The following TNPO1 variants were observed in gnomAD, a reference collection of about 807,000 sequenced individuals.
The protein encoded by TNPO1 is transportin-1.
Under a neutral mutation model 119.5 loss-of-function variants are expected in TNPO1, and 8 were observed. That is an observed-to-expected ratio of 0.07 (90% CI 0.04 to 0.12). The LOEUF (loss-of-function observed/expected upper bound fraction) is 0.12. Among genes scored for constraint, TNPO1 ranks in the 10% least tolerant of loss-of-function variants. The probability of loss-of-function intolerance (pLI) is 1.00; values close to 1 mark genes in which losing one functional copy is unlikely to be tolerated. For synonymous variants in TNPO1, 362 were observed against 363.0 expected (o/e 1.00, Z 0.03); for missense variants, 576 against 1,089.8 (o/e 0.53, Z 6.64).
intron 1 of TNPO1, among the ~76,000 whole-genome samples, chr5:72,844,828 G>T (rs1745059823): frequency 6.6e-6 from 1 of 152,158 alleles, no homozygotes; most frequent in South Asian, 2.1e-4. Context: ...ATCCAACAAG[G>T]AAGAAGCTAT....
intron 1 of TNPO1, among the ~76,000 whole-genome samples, chr5:72,846,426 GGAT>G (rs1283588742): frequency 1.3e-5 from 2 of 152,054 alleles, no homozygotes; most frequent in African/African-American, 4.8e-5. Context: ...GTAGTATGGA[GGAT>G]GATCTTAAAA....
intron 24 of TNPO1, among the ~76,000 whole-genome samples, chr5:72,908,271 G>GA (rs1554056297): frequency 6.6e-6 from 1 of 152,088 alleles, no homozygotes; most frequent in Admixed American, 6.5e-5. Flanking sequence ...AATACTGGGG[G>GA]AAAAAAAGAT....
At chr5:72,874,405 CAG>C (rs1747620623) in intron 7 of TNPO1, among the ~76,000 whole-genome samples, 2 of 152,068 alleles carry the variant, frequency 1.3e-5, no homozygotes, top group African/African-American at 4.8e-5. Flanking sequence ...TATTCATTGA[CAG>C]TAGTAACAAA....
chr5:72,886,844 G>A (rs1349435133), intron 11 of TNPO1, among the ~76,000 whole-genome samples: 4 of 128,316 alleles, frequency 3.1e-5, no homozygotes, highest in African/African-American at 9.1e-5. Context: ...AGCCAAGATC[G>A]CACCACTGCA....
At chr5:72,816,790 GGC>G (rs1486253301) in intron 1 of TNPO1, 38 bp downstream of exon 1, 5 of 1,569,108 alleles carry the variant, frequency 3.2e-6, no homozygotes, top group African/African-American at 1.4e-5. Context: ...GAACTGCAGG[GGC>G]GGGAACGGAG....
At chr5:72,886,535 T>C (rs1472459599) in intron 11 of TNPO1, among the ~76,000 whole-genome samples, 1 of 152,340 alleles carries the variant, frequency 6.6e-6, no homozygotes, top group East Asian at 1.9e-4. Flanking sequence ...GACAGTTATG[T>C]ACAGAATACA....
At chr5:72,887,361 C>T in intron 12 of TNPO1, 139 bp downstream of exon 12, 1 of 955,726 alleles carries the variant, frequency 1.0e-6, no homozygotes, top group Non-Finnish European at 1.5e-6. Flanking sequence ...CTTCTAACCC[C>T]AGCTAGATAT....
At position 72,913,639 on chromosome 5, in the gene TNPO1, G is replaced by C. The variant is rs1579963862; in HGVS notation, c.*4966G>C. 6.6e-6 allele frequency: 1 copy of C among 152,306 alleles called. No homozygotes were observed. The allele number at this position is 152,306 out of a possible 1,614,324, so 9.4% of individuals were successfully genotyped here. On this transcript the variant is annotated 3_prime_UTR_variant, in exon 25 of 25. Transcript: ENST00000337273. ...ATAGAATTTCCTTATACTGTGGCTT[G>C]GTATTATTCAAGATTAGCTATTTCG...
At chr5:72,883,919 T>G (rs1257195018) in intron 11 of TNPO1, among the ~76,000 whole-genome samples, 1 of 141,618 alleles carries the variant, frequency 7.1e-6, no homozygotes, top group African/African-American at 2.6e-5. Context: ...TGAATTTTTG[T>G]TTTTTTTTTT....
intron 1 of TNPO1, among the ~76,000 whole-genome samples, chr5:72,831,901 T>C (rs1213842181): frequency 6.6e-6 from 1 of 152,104 alleles, no homozygotes; most frequent in Non-Finnish European, 1.5e-5. Flanking sequence ...TTTTATCTTT[T>C]TTTCTCACTT....
intron 15 of TNPO1, 86 bp from the exon 16 acceptor site, chr5:72,893,053 A>G: frequency 1.1e-6 from 1 of 944,346 alleles, no homozygotes. Context: ...ATAAATGATC[A>G]GGATCCTGTT....
intron 1 of TNPO1, among the ~76,000 whole-genome samples, chr5:72,819,242 A>T (rs1339649047): frequency 6.6e-6 from 1 of 152,188 alleles, no homozygotes; most frequent in African/African-American, 2.4e-5. Flanking sequence ...CTGGCTTTCT[A>T]ACAACTCACC....
chr5:72,907,506 A>C (rs1336760878), intron 24 of TNPO1, among the ~76,000 whole-genome samples: 1 of 152,202 alleles, frequency 6.6e-6, no homozygotes, highest in African/African-American at 2.4e-5. Context: ...GTGAATTCAC[A>C]TGAACGTTCA....
At chr5:72,837,779 A>G (rs1205147199) in intron 1 of TNPO1, among the ~76,000 whole-genome samples, 1 of 152,148 alleles carries the variant, frequency 6.6e-6, no homozygotes, top group African/African-American at 2.4e-5. Flanking sequence ...TTCTCAGTTA[A>G]TCTTCTCATC....
chr5:72,850,539 T>C (rs930751658), intron 2 of TNPO1, among the ~76,000 whole-genome samples: 1 of 151,592 alleles, frequency 6.6e-6, no homozygotes, highest in Non-Finnish European at 1.5e-5. Context: ...AAAACACAAT[T>C]GGGAAGCATG....
chr5:72,902,452 C>T (rs1410248083), intron 22 of TNPO1, among the ~76,000 whole-genome samples: 2 of 151,824 alleles, frequency 1.3e-5, no homozygotes, highest in African/African-American at 4.8e-5. Context: ...TTAGAACAAG[C>T]CAGTGCCATC....
At chr5:72,896,304 T>C (rs1276665560) in intron 18 of TNPO1, among the ~76,000 whole-genome samples, 154 bp from the exon 19 acceptor site, 1 of 152,228 alleles carries the variant, frequency 6.6e-6, no homozygotes, top group East Asian at 1.9e-4. Flanking sequence ...CTAGTTTATT[T>C]CCACCAATTT....
chr5:72,875,504 C>A, intron 7 of TNPO1, 111 bp from the exon 8 acceptor site: 2 of 1,074,576 alleles, frequency 1.9e-6, no homozygotes, highest in Non-Finnish European at 2.6e-6. Flanking sequence ...CCAATTCAGT[C>A]AGTTTTTGGT....
chr5:72,833,664 T>C (rs921040437), intron 1 of TNPO1, among the ~76,000 whole-genome samples: 1 of 152,242 alleles, frequency 6.6e-6, no homozygotes, highest in Non-Finnish European at 1.5e-5. Context: ...GCTTATAAAC[T>C]GAACACTTTC....
Sources: gnomAD v4.1 joint callset for allele counts (sites outside exome capture counted in the v4.1 genomes callset) on GRCh38, gnomAD v4.1.1 for gene constraint, MANE v1.5 for transcripts, NCBI Gene and HGNC (gene_info 2026-07-23, HGNC 2026-07-21) for gene names.